Variants in PSD3 observed in about 807,000 individuals in gnomAD.
PSD3 encodes pleckstrin and Sec7 domain containing 3.
In PSD3, 49 loss-of-function variants were observed where a neutral mutation model predicts 105.5. The observed-to-expected ratio is 0.46, with a 90% confidence interval of 0.37 to 0.59. PSD3 has a LOEUF of 0.59. Among genes scored for constraint, PSD3 ranks in the 20% least tolerant of loss-of-function variants. PSD3 has a pLI of 0.00. For synonymous variants in PSD3, 557 were observed against 457.8 expected (o/e 1.22, Z -2.77); for missense variants, 1,561 against 1,263.8 (o/e 1.24, Z -3.57).
chr8:18,976,296 A>G (rs938648261), intron 1 of PSD3, among the ~76,000 whole-genome samples: 9 of 152,232 alleles, frequency 5.9e-5, no homozygotes, highest in Non-Finnish European at 1.3e-4. Context: ...CAATAAAGAT[A>G]CATTGTATAA....
intron 1 of PSD3, among the ~76,000 whole-genome samples, chr8:19,006,957 A>G (rs1291163277): frequency 6.6e-6 from 1 of 152,038 alleles, no homozygotes; most frequent in Non-Finnish European, 1.5e-5. Context: ...CTTGCAACAA[A>G]AAGTCAACTG....
At chr8:19,083,391 A>G (rs992105807) in intron 1 of PSD3, among the ~76,000 whole-genome samples, 4 of 152,182 alleles carry the variant, frequency 2.6e-5, no homozygotes, top group African/African-American at 9.7e-5. Context: ...GCTAACAACA[A>G]GGGCAGGCAA....
chr8:18,959,442 G>A (rs777883151), intron 1 of PSD3, among the ~76,000 whole-genome samples: 6 of 152,016 alleles, frequency 3.9e-5, no homozygotes, highest in Non-Finnish European at 8.8e-5. Context: ...AACCTTCAGC[G>A]GGTCCTCAGC....
intron 15 of PSD3, among the ~76,000 whole-genome samples, chr8:18,538,111 T>C (rs10105612): frequency 0.74 from 113,237 of 152,200 alleles, 42,529 homozygotes; most frequent in East Asian, 0.87. Context: ...GAGAGAGCCA[T>C]GTTGACATGA....
chr8:18,711,694 C>T (rs1222662714), intron 9 of PSD3, among the ~76,000 whole-genome samples: 1 of 152,084 alleles, frequency 6.6e-6, no homozygotes, highest in Non-Finnish European at 1.5e-5. Context: ...GATGTTAACA[C>T]CCCATTGACA....
At chr8:18,865,501 G>T (rs746694702) in intron 4 of PSD3, among the ~76,000 whole-genome samples, 1 of 151,316 alleles carries the variant, frequency 6.6e-6, no homozygotes, top group Non-Finnish European at 1.5e-5. Flanking sequence ...TTTTAACCTT[G>T]AATAGAGACA....
At chr8:18,887,942 C>T (rs1443425423) in intron 2 of PSD3, among the ~76,000 whole-genome samples, 2 of 152,126 alleles carry the variant, frequency 1.3e-5, no homozygotes, top group Non-Finnish European at 2.9e-5. Context: ...CTATGATTAA[C>T]CCATTTTATA....
intron 1 of PSD3, among the ~76,000 whole-genome samples, chr8:19,073,043 G>A (rs1454121100): frequency 1.3e-5 from 2 of 152,072 alleles, no homozygotes; most frequent in Non-Finnish European, 2.9e-5. Flanking sequence ...ATAATAAAAT[G>A]GTTAATTATC....
intron 12 of PSD3, among the ~76,000 whole-genome samples, chr8:18,575,496 C>T (rs555435201): frequency 6.6e-6 from 1 of 152,060 alleles, no homozygotes; most frequent in African/African-American, 2.4e-5. Context: ...ATACATCTAC[C>T]CAAGGCATTT....
At chr8:18,888,614 T>A (rs1818583958) in intron 2 of PSD3, among the ~76,000 whole-genome samples, 1 of 152,174 alleles carries the variant, frequency 6.6e-6, no homozygotes, top group African/African-American at 2.4e-5. Context: ...GATACTATAA[T>A]CACTATGACT....
chr8:18,667,108 G>A (rs538305599), intron 9 of PSD3, among the ~76,000 whole-genome samples: 5 of 152,212 alleles, frequency 3.3e-5, no homozygotes, highest in African/African-American at 9.6e-5. Flanking sequence ...CAGTGTGGAA[G>A]GGGACCCCAG....
intron 1 of PSD3, among the ~76,000 whole-genome samples, chr8:19,003,123 G>A (rs919527339): frequency 2.0e-5 from 3 of 152,036 alleles, no homozygotes; most frequent in Admixed American, 2.0e-4. Context: ...TGCCCAAGGT[G>A]ACACAGATAG....
intron 2 of PSD3, among the ~76,000 whole-genome samples, chr8:18,879,397 A>G (rs1817970210): frequency 6.6e-6 from 1 of 152,164 alleles, no homozygotes. Context: ...TGTTCTAAGA[A>G]CTGGAACAGA....
chr8:18,688,345 C>T (rs1800780583), intron 9 of PSD3, among the ~76,000 whole-genome samples: 1 of 152,174 alleles, frequency 6.6e-6, no homozygotes, highest in African/African-American at 2.4e-5. Flanking sequence ...GATACTCCTG[C>T]CTCGGCCTCT....
chr8:18,786,007 T>A (rs1207346994), intron 8 of PSD3, among the ~76,000 whole-genome samples: 3 of 152,222 alleles, frequency 2.0e-5, no homozygotes, highest in African/African-American at 7.2e-5. Context: ...GTTCAGTGAC[T>A]GCAAAGTGTA....
At chr8:18,937,650 A>G (rs1258158645) in intron 1 of PSD3, among the ~76,000 whole-genome samples, 4 of 152,206 alleles carry the variant, frequency 2.6e-5, no homozygotes, top group African/African-American at 9.6e-5. Flanking sequence ...ATCGGTCTGA[A>G]AAAAGGTGCA....
chr8:18,941,686 T>TTA (rs1822554055), intron 1 of PSD3, among the ~76,000 whole-genome samples: 1 of 142,988 alleles, frequency 7.0e-6, no homozygotes, highest in African/African-American at 2.6e-5. Context: ...TTTTTTTTTT[T>TTA]TGAGATGACA....
At position 18,735,686 on chromosome 8, in the gene PSD3, C is replaced by A. The variant is rs17127127; in HGVS notation, c.2172+29763G>T. Among the ~76,000 whole-genome samples the A allele has an allele frequency of 5.7e-3, 870 of 152,088 alleles. 7 individuals are homozygous for A. Among genetic ancestry groups the A allele is most frequent in the Non-Finnish European group, 9.0e-3 (612 of 67,986 alleles). On this transcript the variant is annotated intron_variant, in intron 9 of 15. Coordinates refer to ENST00000327040, the MANE Select transcript of PSD3 (RefSeq NM_015310.4). Reference sequence around the variant, plus strand: ...GTTTTCAGAATGAATCAGACAAGGACTAAGAAATAATGATCATAAGCAGTT... The same window carrying A: ...GTTTTCAGAATGAATCAGACAAGGAATAAGAAATAATGATCATAAGCAGTT...
At position 18,554,343 on chromosome 8, in the gene PSD3, C is replaced by T. The variant is rs533938555; in HGVS notation, c.2928+1866G>A. Among the ~76,000 whole-genome samples the T allele has an allele frequency of 4.6e-5, 7 of 152,294 alleles. No homozygotes were observed. In the South Asian group the frequency reaches 1.5e-3, roughly 32 times the overall value. On this transcript the variant is annotated intron_variant, in intron 15 of 15. Transcript: ENST00000327040. ...TCCCATTTCCCAAGAATGAACAAGC[C>T]TGGGGAAAGATGAGCTGCCTAGTTT... is the stretch of plus-strand genomic sequence containing the variant.
Sources: gnomAD v4.1 joint callset for allele counts (sites outside exome capture counted in the v4.1 genomes callset) on GRCh38, gnomAD v4.1.1 for gene constraint, MANE v1.5 for transcripts, NCBI Gene and HGNC (gene_info 2026-07-23, HGNC 2026-07-21) for gene names.